CACNA2D3: variants seen among roughly 807,000 people sequenced by gnomAD.
CACNA2D3 encodes the protein voltage-dependent calcium channel subunit alpha-2/delta-3.
In CACNA2D3, 60 loss-of-function variants were observed where a neutral mutation model predicts 160.6. That is an observed-to-expected ratio of 0.37 (90% CI 0.30 to 0.46). The LOEUF (loss-of-function observed/expected upper bound fraction) is 0.46, where lower values mean the gene tolerates loss of function less well. Ranked by LOEUF, CACNA2D3 falls within the 20% of genes least tolerant of loss-of-function variation. The pLI is 1.00. For synonymous variants in CACNA2D3, 558 were observed against 492.9 expected, an observed-to-expected ratio of 1.13 and a Z score of -1.75; for missense variants, 1,205 against 1,365.0, an observed-to-expected ratio of 0.88 and a Z score of 1.85.
chr3:54,646,949 G>C (rs1553766453), intron 11 of CACNA2D3, among the ~76,000 whole-genome samples: 1 of 152,184 alleles, frequency 6.6e-6, no homozygotes, highest in African/African-American at 2.4e-5. Flanking sequence ...CTCCCTGATG[G>C]TGTGATGAAG....
At chr3:54,767,070 G>A (rs1403239957) in intron 13 of CACNA2D3, among the ~76,000 whole-genome samples, 2 of 151,802 alleles carry the variant, frequency 1.3e-5, no homozygotes, top group South Asian at 2.1e-4. Context: ...GGATATGGGA[G>A]GTGGTGCAGG....
chr3:54,807,237 C>T (rs949641401), intron 13 of CACNA2D3, among the ~76,000 whole-genome samples: 23 of 152,190 alleles, frequency 1.5e-4, no homozygotes, highest in African/African-American at 3.6e-4. Context: ...TTCTGCACAG[C>T]GAAAGAAACT....
chr3:54,128,828 G>C (rs983037340), intron 2 of CACNA2D3, among the ~76,000 whole-genome samples: 2 of 152,180 alleles, frequency 1.3e-5, no homozygotes, highest in Non-Finnish European at 2.9e-5. Context: ...TAAAACAGAT[G>C]TTATAAAATG....
chr3:54,334,820 T>G (rs532440366), intron 3 of CACNA2D3, among the ~76,000 whole-genome samples: 17 of 152,336 alleles, frequency 1.1e-4, no homozygotes, highest in African/African-American at 3.8e-4. Flanking sequence ...ATGTAAATAG[T>G]ACCTTTTACA....
intron 26 of CACNA2D3, among the ~76,000 whole-genome samples, chr3:54,897,594 T>C (rs1700221300): frequency 6.6e-6 from 1 of 152,150 alleles, no homozygotes; most frequent in South Asian, 2.1e-4. Context: ...GGAAACCTAG[T>C]TCTGTAAACT....
rs368830181 is a variant in CACNA2D3, at chr3:55,018,278, A to G, written c.2948A>G (p.Lys983Arg). ...GCATTCGTCTCTGAGCGCACCATCA[A>G]GGAGACTACAGGGAATATTGCTTGT... is the stretch of plus-strand genomic sequence containing the variant. Reference protein sequence around the residue: ...YPAFVSERTIKETTGNIACED... With the variant: ...YPAFVSERTIRETTGNIACED... The change falls in exon 35 of 38, where the codon AAG (lysine) becomes AGG (arginine). Residue 983 changes from lysine (K) to arginine (R), a missense_variant. Transcript: ENST00000474759. 3 of 1,612,942 alleles carry G rather than the reference A, an allele frequency of 1.9e-6. No individual in the cohort carries two copies. Among genetic ancestry groups the G allele is most frequent in the Non-Finnish European group, 2.5e-6 (3 of 1,179,158 alleles).
At chr3:54,978,603 A>G (rs575434246) in intron 29 of CACNA2D3, among the ~76,000 whole-genome samples, 1 of 152,356 alleles carries the variant, frequency 6.6e-6, no homozygotes, top group East Asian at 1.9e-4. Flanking sequence ...CAAAACAGTA[A>G]AACAAAATAA....
At chr3:54,244,542 G>T (rs1392777784) in intron 2 of CACNA2D3, among the ~76,000 whole-genome samples, 5 of 152,138 alleles carry the variant, frequency 3.3e-5, no homozygotes. Flanking sequence ...CTCTTGATCT[G>T]GGGTAATGCC....
intron 4 of CACNA2D3, among the ~76,000 whole-genome samples, chr3:54,462,772 T>A (rs1269079698): frequency 6.6e-6 from 1 of 152,222 alleles, no homozygotes; most frequent in Admixed American, 6.5e-5. Flanking sequence ...TTAGTCCATT[T>A]GCATTTAAAG....
chr3:54,717,399 CCAAA>C (rs375049816), intron 11 of CACNA2D3, among the ~76,000 whole-genome samples: 98 of 152,286 alleles, frequency 6.4e-4, no homozygotes, highest in African/African-American at 2.2e-3. Flanking sequence ...GAAAATTCTG[CCAAA>C]CACCTTTCCA....
intron 11 of CACNA2D3, among the ~76,000 whole-genome samples, chr3:54,692,995 C>A (rs1476680686): frequency 1.4e-5 from 2 of 147,076 alleles, no homozygotes; most frequent in Non-Finnish European, 3.0e-5. Context: ...ATATCAGATA[C>A]CTGGATTTCA....
At chr3:54,720,132 C>T (rs2106985276) in intron 11 of CACNA2D3, among the ~76,000 whole-genome samples, 1 of 151,936 alleles carries the variant, frequency 6.6e-6, no homozygotes, top group Non-Finnish European at 1.5e-5. Context: ...TCATCGATTT[C>T]TATTCTTATT....
intron 11 of CACNA2D3, among the ~76,000 whole-genome samples, chr3:54,669,749 A>AG (rs1435772052): frequency 6.6e-6 from 1 of 151,778 alleles, no homozygotes; most frequent in Non-Finnish European, 1.5e-5. Context: ...AAAAAAAAAA[A>AG]CTTTTAATTT....
At chr3:54,818,834 C>G (rs921566499) in intron 14 of CACNA2D3, among the ~76,000 whole-genome samples, 2 of 152,164 alleles carry the variant, frequency 1.3e-5, no homozygotes, top group Non-Finnish European at 2.9e-5. Flanking sequence ...ACTTACCTTA[C>G]AAAATATTAA....
chr3:54,674,292 CTCAT>C (rs955311137), intron 11 of CACNA2D3, among the ~76,000 whole-genome samples: 4 of 152,076 alleles, frequency 2.6e-5, no homozygotes, highest in Non-Finnish European at 4.4e-5. Context: ...GAGCCTGAGC[CTCAT>C]TCATTCATTC....
chr3:54,543,271 T>C (rs1407019557), intron 5 of CACNA2D3, among the ~76,000 whole-genome samples: 1 of 152,192 alleles, frequency 6.6e-6, no homozygotes, highest in Non-Finnish European at 1.5e-5. Context: ...TAGGTTGTAA[T>C]AATCCCATCT....
intron 4 of CACNA2D3, among the ~76,000 whole-genome samples, chr3:54,428,333 T>A (rs1166039942): frequency 1.3e-5 from 2 of 152,168 alleles, no homozygotes; most frequent in Non-Finnish European, 2.9e-5. Flanking sequence ...TCAGACAGAC[T>A]TATTGAATTA....
At chr3:54,236,175 A>G (rs187263098) in intron 2 of CACNA2D3, among the ~76,000 whole-genome samples, 51 of 152,378 alleles carry the variant, frequency 3.3e-4, no homozygotes, top group Non-Finnish European at 5.9e-4. Flanking sequence ...CAAGTCTCGT[A>G]GAAACTGTCA....
intron 13 of CACNA2D3, among the ~76,000 whole-genome samples, chr3:54,791,003 A>C (rs569719422): frequency 6.6e-6 from 1 of 151,128 alleles, no homozygotes; most frequent in South Asian, 2.1e-4. Context: ...GCCTATCGGT[A>C]CTTCATTTCC....
Sources: allele counts gnomAD v4.1 joint callset (sites outside exome capture counted in the v4.1 genomes callset), GRCh38; gene constraint gnomAD v4.1.1; transcripts MANE v1.5; gene names NCBI Gene and HGNC (gene_info 2026-07-23, HGNC 2026-07-21).